Variants in OR5P3 observed in about 807,000 individuals in gnomAD.
OR5P3 encodes olfactory receptor family 5 subfamily P member 3, also known as olfactory receptor 5P3.
For missense variants in OR5P3, 415 were observed against 375.6 expected, an observed-to-expected ratio of 1.10 and a Z score of -0.87; for synonymous variants, 172 against 141.8, an observed-to-expected ratio of 1.21 and a Z score of -1.51.
At position 7,830,483 on chromosome 11, in the gene OR5P3, A is replaced by G. The variant is rs2133497437; in HGVS notation, c.-22+341T>C. On this transcript the variant is annotated intron_variant, in intron 1 of 1. Transcript: ENST00000641167. Reference sequence around the variant, plus strand: ...ATAATAGAAATTCAGAGTCAGTTATACATGCTATTATGGCATGGAAGCAAT... The same window carrying G: ...ATAATAGAAATTCAGAGTCAGTTATGCATGCTATTATGGCATGGAAGCAAT... Among the ~76,000 whole-genome samples the G allele has an allele frequency of 2.6e-5, 4 of 152,336 alleles. No individual in the cohort carries two copies. In the South Asian group the frequency reaches 8.3e-4, roughly 32 times the overall value.
In OR5P3 at chr11:7,825,181, G is replaced by A. The variant is rs761192033; in HGVS notation, c.792C>T (p.Ser264=). 1 of 1,609,174 alleles carries A rather than the reference G, an allele frequency of 6.2e-7. No homozygotes were observed. The part of the protein sequence containing the change: ...TITFIYVMPK[S]SYSTDQNKVV... ...CCTTGTTCTGGTCAGTTGAGTAGCTGGACTTGGGCATCACATAAATGAAGG... is the reference window on the plus strand; with the variant it reads ...CCTTGTTCTGGTCAGTTGAGTAGCTAGACTTGGGCATCACATAAATGAAGG... Residue 264 remains serine, a synonymous_variant, in exon 2 of 2, where the codon TCC becomes TCT. Coordinates refer to ENST00000641167, the MANE Select transcript of OR5P3 (RefSeq NM_153445.2).
chr11:7,830,314 A>C (rs1241568021), intron 1 of OR5P3, among the ~76,000 whole-genome samples: 2 of 152,206 alleles, frequency 1.3e-5, no homozygotes, highest in Admixed American at 6.5e-5. Context: ...TTAACTGATC[A>C]ATATCATGCT....
In OR5P3 at chr11:7,825,647, G is replaced by A. The variant is rs201094959; in HGVS notation, c.326C>T (p.Thr109Met). Reference sequence around the variant, plus strand: ...GGCAGCCAGCAGGAAGCACTCGGCCGTACCAAACGTCACTACAGAACAGAG... The same window carrying A: ...GGCAGCCAGCAGGAAGCACTCGGCCATACCAAACGTCACTACAGAACAGAG... ...AQLCSVVTFGTAECFLLAAMA... is the reference protein window; with the variant it reads ...AQLCSVVTFGMAECFLLAAMA... Residue 109 changes from threonine (T) to methionine (M), a missense_variant, in exon 2 of 2, where the codon ACG (threonine) becomes ATG (methionine). Coordinates refer to ENST00000641167, the MANE Select transcript of OR5P3 (RefSeq NM_153445.2). 1.8e-4 allele frequency: 297 copies of A among 1,613,112 alleles called. 3 individuals carry two copies. Among genetic ancestry groups the A allele is most frequent in the Admixed American group, 4.0e-4 (24 of 59,970 alleles).
intron 1 of OR5P3, among the ~76,000 whole-genome samples, chr11:7,829,138 C>T (rs1384602719): frequency 6.6e-6 from 1 of 151,996 alleles, no homozygotes; most frequent in African/African-American, 2.4e-5. Flanking sequence ...GAAAAAGCAA[C>T]CTTTTTGGGT....
At chr11:7,830,239 A>C (rs998404997) in intron 1 of OR5P3, among the ~76,000 whole-genome samples, 2 of 152,144 alleles carry the variant, frequency 1.3e-5, no homozygotes, top group Admixed American at 6.6e-5. Context: ...TCATGTGCTC[A>C]TCCAGCCACA....
chr11:7,830,544 A>G (rs1857798699), intron 1 of OR5P3, among the ~76,000 whole-genome samples: 1 of 152,146 alleles, frequency 6.6e-6, no homozygotes, highest in Admixed American at 6.5e-5. Context: ...TTGGAGACAT[A>G]CGGCCCTGGG....
At chr11:7,827,582 G>A (rs1267207557) in intron 1 of OR5P3, among the ~76,000 whole-genome samples, 1 of 152,284 alleles carries the variant, frequency 6.6e-6, no homozygotes, top group South Asian at 2.1e-4. Context: ...GATGAAGTGA[G>A]TACCTGAGAT....
intron 1 of OR5P3, among the ~76,000 whole-genome samples, chr11:7,829,524 T>A (rs1239706226): frequency 1.3e-5 from 2 of 152,192 alleles, no homozygotes; most frequent in Non-Finnish European, 2.9e-5. Context: ...GACAGCACTA[T>A]GAAAGAGATT....
At chr11:7,829,770 A>G (rs1211135979) in intron 1 of OR5P3, among the ~76,000 whole-genome samples, 2 of 152,192 alleles carry the variant, frequency 1.3e-5, no homozygotes, top group African/African-American at 2.4e-5. Context: ...AAGAAAAAAG[A>G]GAAGCAAAAG....
At chr11:7,830,617 A>G (rs1225412299) in intron 1 of OR5P3, among the ~76,000 whole-genome samples, 2 of 151,942 alleles carry the variant, frequency 1.3e-5, no homozygotes, top group Non-Finnish European at 2.9e-5. Context: ...AAACTGTTCA[A>G]CTCTTCATTA....
In OR5P3 at chr11:7,824,918, A is replaced by G. The variant is rs1857711735; in HGVS notation, c.*119T>C. On this transcript the variant is annotated 3_prime_UTR_variant, in exon 2 of 2. Coordinates refer to ENST00000641167, the MANE Select transcript of OR5P3 (RefSeq NM_153445.2). ...AAATCTTCCCTCCTGATTGACTAAA[A>G]AGCTCCACACTGGGTAATGGTCTAT... 1 of 642,174 alleles carries G rather than the reference A, an allele frequency of 1.6e-6. No homozygotes were observed. The highest frequency in any genetic ancestry group is 3.8e-5 in the Admixed American group (1 of 26,486). The allele number at this position is 642,174 out of a possible 1,614,324, so 39.8% of individuals were successfully genotyped here. A position where few individuals can be genotyped will look rare whatever the true frequency, so the allele number is the denominator to read the frequency against.
At chr11:7,829,390 A>AT (rs5789545) in intron 1 of OR5P3, among the ~76,000 whole-genome samples, 72,921 of 149,092 alleles carry the variant, frequency 0.49, 20,862 homozygotes, top group Non-Finnish European at 0.63. Flanking sequence ...CTTTTATCTT[A>AT]TTTTTTTTTT....
rs141678742 is a variant in OR5P3 at position 7,829,112 on chromosome 11, G to A, written c.-22+1712C>T. Among the ~76,000 whole-genome samples the A allele has an allele frequency of 1.6e-3, 243 of 152,100 alleles. 1 individual carries two copies. The highest frequency in any genetic ancestry group is 5.6e-3 in the African/African-American group (234 of 41,502). On this transcript the variant is annotated intron_variant, in intron 1 of 1. Coordinates refer to ENST00000641167, the MANE Select transcript of OR5P3 (RefSeq NM_153445.2). The stretch of plus-strand genomic sequence containing the variant: ...TATATATTTGTGTCTGTATTTGTAG[G>A]GTCTCATGACTTTATGAAAAAGCAA...
At chr11:7,827,323 A>G (rs1857755427) in intron 1 of OR5P3, among the ~76,000 whole-genome samples, 1 of 152,204 alleles carries the variant, frequency 6.6e-6, no homozygotes, top group African/African-American at 2.4e-5. Context: ...CAGTGCAGTA[A>G]TTCACATAAA....
At chr11:7,826,969 G>A (rs1857750153) in intron 1 of OR5P3, among the ~76,000 whole-genome samples, 1 of 152,144 alleles carries the variant, frequency 6.6e-6, no homozygotes, top group Non-Finnish European at 1.5e-5. Context: ...AGAAAAGCAG[G>A]AGAGCTTTCT....
Position 7,824,821 on chromosome 11 carries a change from C to A in OR5P3, c.*216G>T. The A allele has an allele frequency of 3.1e-6, 1 of 321,276 alleles. No homozygotes were observed. 19.9% of individuals were successfully genotyped at this position (321,276 alleles called of 1,614,324 possible). ...TTTTTCATGTGAAACTATTTGCATT[C>A]TCAATTATAAATTTAATTAAATTTT... On this transcript the variant is annotated 3_prime_UTR_variant, in exon 2 of 2. Transcript: ENST00000641167.
chr11:7,827,729 G>A (rs367824854), intron 1 of OR5P3, among the ~76,000 whole-genome samples: 12 of 152,164 alleles, frequency 7.9e-5, no homozygotes, highest in East Asian at 7.7e-4. Flanking sequence ...ATGAGATTAC[G>A]GAAAAGCTAC....
At position 7,824,901 on chromosome 11, in the gene OR5P3, C is replaced by G; in HGVS notation, c.*136G>C. On this transcript the variant is annotated 3_prime_UTR_variant, in exon 2 of 2. Coordinates refer to ENST00000641167, the MANE Select transcript of OR5P3 (RefSeq NM_153445.2). ...TTTCCTATTCTATCTGAAAATCTTC[C>G]CTCCTGATTGACTAAAAAGCTCCAC... 2.0e-6 allele frequency: 1 copy of G among 500,712 alleles called. No homozygotes were observed. Among genetic ancestry groups the G allele is most frequent in the South Asian group, 8.2e-5 (1 of 12,242 alleles). 31.0% of individuals were successfully genotyped at this position (500,712 alleles called of 1,614,324 possible). A position where few individuals can be genotyped will look rare whatever the true frequency, so the allele number is the denominator to read the frequency against.
chr11:7,829,384 T>C (rs1857782840), intron 1 of OR5P3, among the ~76,000 whole-genome samples: 1 of 114,932 alleles, frequency 8.7e-6, no homozygotes, highest in Non-Finnish European at 2.2e-5. Flanking sequence ...AATTAACTTT[T>C]ATCTTATTTT....
Sources: gnomAD v4.1 joint callset for allele counts (sites outside exome capture counted in the v4.1 genomes callset) on GRCh38, gnomAD v4.1.1 for gene constraint, MANE v1.5 for transcripts, NCBI Gene and HGNC (gene_info 2026-07-23, HGNC 2026-07-21) for gene names.